SNX30: variants seen among roughly 807,000 people sequenced by gnomAD.
SNX30 encodes the protein sorting nexin-30.
Under a neutral mutation model 46.4 loss-of-function variants are expected in SNX30, and 24 were observed. That is an observed-to-expected ratio of 0.52 (90% CI 0.37 to 0.73). SNX30 has a LOEUF of 0.73. SNX30 is among the 30% of genes least tolerant of loss of function. SNX30 has a pLI of 0.00. For missense variants in SNX30, 533 were observed against 555.7 expected (o/e 0.96, Z 0.41); for synonymous variants, 189 against 211.5 (o/e 0.89, Z 0.92).
At chr9:112,851,853 C>T (rs761112720) in intron 7 of SNX30, among the ~76,000 whole-genome samples, 3 of 152,108 alleles carry the variant, frequency 2.0e-5, no homozygotes, top group Non-Finnish European at 4.4e-5. Flanking sequence ...GTCTTCTGCT[C>T]CTGGGTGGGA....
intron 6 of SNX30, among the ~76,000 whole-genome samples, chr9:112,843,122 G>A (rs1430044475): frequency 6.6e-6 from 1 of 152,152 alleles, no homozygotes; most frequent in African/African-American, 2.4e-5. Flanking sequence ...TCATGACTAG[G>A]CCAAATGTTG....
In SNX30 at chr9:112,793,804, GTTTTTTT is replaced by G. The variant is rs199882365; in HGVS notation, c.157-10965_157-10959del. On this transcript the variant is annotated intron_variant, in intron 1 of 8. Coordinates refer to ENST00000374232, the MANE Select transcript of SNX30 (RefSeq NM_001012994.2). ...GTTCTTTTTACCTCCACTGTTTTTT[GTTTTTTT>G]TTTTTTCTTTCATTCTCTAGGTTAA... Among the ~76,000 whole-genome samples, 10 of 139,178 alleles carry G rather than the reference GTTTTTTT, an allele frequency of 7.2e-5. 1 individual carries two copies. The highest frequency in any genetic ancestry group is 2.4e-4 in the African/African-American group (9 of 38,104). 91.3% of individuals were successfully genotyped at this position (139,178 alleles called of 152,430 possible).
chr9:112,866,670 TCTC>T, intron 8 of SNX30: 2 of 400,740 alleles, frequency 5.0e-6, no homozygotes, highest in East Asian at 7.3e-5. Context: ...AGGATGCCTC[TCTC>T]CTCCTCCCTC....
intron 1 of SNX30, among the ~76,000 whole-genome samples, chr9:112,761,248 C>T (rs561644908): frequency 2.4e-4 from 36 of 152,248 alleles, no homozygotes; most frequent in African/African-American, 8.4e-4. Context: ...CTGCAACCTC[C>T]GTCTCCTGTG....
chr9:112,770,972 G>A (rs1221152924), intron 1 of SNX30, among the ~76,000 whole-genome samples: 4 of 152,220 alleles, frequency 2.6e-5, no homozygotes, highest in Non-Finnish European at 5.9e-5. Flanking sequence ...CTCCAGCCTG[G>A]TGACAGAGTG....
At chr9:112,837,360 G>A (rs940093613) in intron 5 of SNX30, among the ~76,000 whole-genome samples, 1 of 152,172 alleles carries the variant, frequency 6.6e-6, no homozygotes, top group East Asian at 1.9e-4. Flanking sequence ...AGGGGCTGAG[G>A]TGGCCACCGA....
At chr9:112,785,713 A>G (rs996736516) in intron 1 of SNX30, among the ~76,000 whole-genome samples, 6 of 151,926 alleles carry the variant, frequency 3.9e-5, no homozygotes, top group Non-Finnish European at 8.8e-5. Context: ...ATTTTTTTGT[A>G]GAGATAGGAT....
At chr9:112,863,366 A>G (rs1005643776) in intron 7 of SNX30, among the ~76,000 whole-genome samples, 3 of 152,194 alleles carry the variant, frequency 2.0e-5, no homozygotes, top group African/African-American at 7.2e-5. Context: ...CCTGGCCGCC[A>G]TCAGGGCTCA....
rs1840187664 is a variant in SNX30 at position 112,804,300 on chromosome 9, G to C, written c.157-476G>C. The stretch of plus-strand genomic sequence containing the variant: ...CTGCCTCAGCTTCCCGAGTAGCTGG[G>C]ATCACAGGCATGCACCACCATGTCC... On this transcript the variant is annotated intron_variant, in intron 1 of 8. Transcript: ENST00000374232. Among the ~76,000 whole-genome samples, 7 of 152,180 alleles carry C rather than the reference G, an allele frequency of 4.6e-5. No individual in the cohort carries two copies. The South Asian group carries it at 1.4e-3, about 32-fold the overall frequency.
chr9:112,844,868 C>A (rs1840916378), intron 6 of SNX30, among the ~76,000 whole-genome samples: 1 of 152,180 alleles, frequency 6.6e-6, no homozygotes, highest in South Asian at 2.1e-4. Context: ...CACAAGGTGG[C>A]GCCAATGAGT....
At position 112,822,418 on chromosome 9, in the gene SNX30, A is replaced by G. The variant is rs143821935; in HGVS notation, c.459+4603A>G. Among the ~76,000 whole-genome samples the G allele has an allele frequency of 7.9e-4, 121 of 152,222 alleles. No individual in the cohort carries two copies. In the East Asian group the frequency reaches 0.021, roughly 27 times the overall value. On this transcript the variant is annotated intron_variant, in intron 3 of 8. Coordinates refer to ENST00000374232, the MANE Select transcript of SNX30 (RefSeq NM_001012994.2). Reference sequence around the variant, plus strand: ...TAATGGATATACAGAATAGCCTTGCACATATTTAATGCATACGATTCGATA... The same window carrying G: ...TAATGGATATACAGAATAGCCTTGCGCATATTTAATGCATACGATTCGATA...
At chr9:112,792,158 A>G (rs771552998) in intron 1 of SNX30, among the ~76,000 whole-genome samples, 5 of 152,232 alleles carry the variant, frequency 3.3e-5, no homozygotes, top group Non-Finnish European at 5.9e-5. Flanking sequence ...TTGAAGGTTC[A>G]TGAGTGCTCA....
chr9:112,776,229 CT>C (rs1839746097), intron 1 of SNX30, among the ~76,000 whole-genome samples: 1 of 152,006 alleles, frequency 6.6e-6, no homozygotes, highest in South Asian at 2.1e-4. Flanking sequence ...TTGGTCTGTC[CT>C]TTTTTAGGTT....
chr9:112,864,456 C>G, intron 8 of SNX30, 57 bp downstream of exon 8: 1 of 1,599,732 alleles, frequency 6.3e-7, no homozygotes, highest in Non-Finnish European at 8.6e-7. Flanking sequence ...TCACATGGGC[C>G]TACCAGAAAT....
intron 1 of SNX30, among the ~76,000 whole-genome samples, chr9:112,771,340 TTAG>T (rs1489016697): frequency 2.0e-5 from 3 of 152,220 alleles, no homozygotes; most frequent in Non-Finnish European, 4.4e-5. Context: ...TATATGGCTA[TTAG>T]TAGGGTGCTG....
chr9:112,815,093 A>G (rs1246000343), intron 2 of SNX30, among the ~76,000 whole-genome samples: 3 of 152,174 alleles, frequency 2.0e-5, no homozygotes, highest in African/African-American at 7.2e-5. Context: ...TTCTGTATTT[A>G]GAGGGATTAT....
intron 1 of SNX30, among the ~76,000 whole-genome samples, chr9:112,792,821 T>C (rs1727030455): frequency 6.6e-6 from 1 of 152,220 alleles, no homozygotes; most frequent in Non-Finnish European, 1.5e-5. Flanking sequence ...TTTATAACTT[T>C]TGTTCTTTTC....
chr9:112,754,406 C>CTTTTTTT (rs755479504), intron 1 of SNX30, among the ~76,000 whole-genome samples: 5 of 113,032 alleles, frequency 4.4e-5, no homozygotes, highest in Admixed American at 9.2e-5. Flanking sequence ...CTCACTGGGC[C>CTTTTTTT]TTTTTTTTTT....
intron 1 of SNX30, among the ~76,000 whole-genome samples, chr9:112,758,453 C>T (rs922579384): frequency 3.3e-5 from 5 of 152,202 alleles, no homozygotes; most frequent in African/African-American, 1.2e-4. Flanking sequence ...CCTCAGCCTC[C>T]TGAGTAGCTG....
Sources: gnomAD v4.1 joint callset for allele counts (sites outside exome capture counted in the v4.1 genomes callset) on GRCh38, gnomAD v4.1.1 for gene constraint, MANE v1.5 for transcripts, NCBI Gene and HGNC (gene_info 2026-07-23, HGNC 2026-07-21) for gene names.